The following ABLIM1 variants were observed in gnomAD, a reference collection of about 807,000 sequenced individuals.
ABLIM1 encodes actin-binding LIM protein 1.
A neutral mutation model predicts 107.0 loss-of-function variants in ABLIM1; 40 were observed. The observed-to-expected ratio is 0.37, with a 90% CI of 0.29 to 0.49. ABLIM1 has a LOEUF of 0.49. ABLIM1 is among the 20% of genes least tolerant of loss of function. The probability of loss-of-function intolerance (pLI) is 0.97; values close to 1 mark genes in which losing one functional copy is unlikely to be tolerated. For synonymous variants in ABLIM1, 357 were observed against 357.3 expected, an observed-to-expected ratio of 1.00 and a Z score of 0.01; for missense variants, 857 against 1,008.5, an observed-to-expected ratio of 0.85 and a Z score of 2.04.
At chr10:114,676,613 T>C (rs1001798984) in intron 1 of ABLIM1, among the ~76,000 whole-genome samples, 22 of 152,204 alleles carry the variant, frequency 1.4e-4, no homozygotes, top group African/African-American at 5.1e-4. Flanking sequence ...CAGATTATTG[T>C]GTTCTCAAAA....
At chr10:114,732,332 A>G (rs1390438561) in intron 1 of ABLIM1, among the ~76,000 whole-genome samples, 1 of 151,818 alleles carries the variant, frequency 6.6e-6, no homozygotes, top group Non-Finnish European at 1.5e-5. Context: ...GATGTCGAAC[A>G]TCTTTTCATG....
rs1313511038 is a variant in ABLIM1, at chr10:114,607,058, C to T, written c.245-5097G>A. 2.0e-5 allele frequency among the ~76,000 whole-genome samples: 3 copies of T among 152,170 alleles called. No individual in the cohort carries two copies. In the East Asian group the frequency reaches 5.8e-4, roughly 29 times the overall value. Reference sequence around the variant, plus strand: ...CTCAGATTACTGAAAATTCCCTACGCCCTTGCACCCTTTTTTATTTTTCGA... The same window carrying T: ...CTCAGATTACTGAAAATTCCCTACGTCCTTGCACCCTTTTTTATTTTTCGA... On this transcript the variant is annotated intron_variant, in intron 1 of 22. Transcript: ENST00000533213.
At chr10:114,620,907 T>C (rs2077425735) in intron 1 of ABLIM1, among the ~76,000 whole-genome samples, 1 of 152,126 alleles carries the variant, frequency 6.6e-6, no homozygotes, top group Non-Finnish European at 1.5e-5. Context: ...CTCTGTAGTT[T>C]GCCCCAGGCT....
rs555564621 is a variant in ABLIM1 at position 114,490,830 on chromosome 10, G to C, written c.982+961C>G. 8.8e-5 allele frequency among the ~76,000 whole-genome samples: 13 copies of C among 147,404 alleles called. No individual in the cohort carries two copies. The East Asian group carries it at 2.6e-3, about 30-fold the overall frequency. On this transcript the variant is annotated intron_variant, in intron 7 of 22. Transcript: ENST00000533213. ...TATGCTTATTTTTTTTGTCTTTTTT[G>C]TTTTTTTTCTTCCTTTTTGTGGAGA... is the stretch of plus-strand genomic sequence containing the variant.
chr10:114,547,322 GA>G (rs1326068830), intron 5 of ABLIM1, among the ~76,000 whole-genome samples: 1 of 152,156 alleles, frequency 6.6e-6, no homozygotes, highest in Non-Finnish European at 1.5e-5. Flanking sequence ...CCTGGAAGGA[GA>G]ACAAAGGCTT....
chr10:114,463,308 G>C, intron 12 of ABLIM1: 261 of 816,330 alleles, frequency 3.2e-4, no homozygotes, highest in Middle Eastern at 5.4e-4. Context: ...GGAGGAAGGA[G>C]AAAGGGTTAA....
chr10:114,678,559 G>T (rs987632708), intron 1 of ABLIM1, among the ~76,000 whole-genome samples: 1 of 152,162 alleles, frequency 6.6e-6, no homozygotes, highest in African/African-American at 2.4e-5. Flanking sequence ...ATTTATTTAT[G>T]TATTGTCTAC....
chr10:114,705,210 A>G (rs1442841532), intron 1 of ABLIM1, among the ~76,000 whole-genome samples: 1 of 152,208 alleles, frequency 6.6e-6, no homozygotes, highest in African/African-American at 2.4e-5. Flanking sequence ...GTCATTTTTA[A>G]ATGCTAAAAC....
intron 4 of ABLIM1, among the ~76,000 whole-genome samples, chr10:114,568,053 G>A (rs1213002513): frequency 1.3e-5 from 2 of 151,484 alleles, no homozygotes; most frequent in South Asian, 4.2e-4. Context: ...AGCCGGGCGC[G>A]GTGGCAGGCG....
chr10:114,782,147 A>G, the ABLIM1 span, among the ~76,000 whole-genome samples: 1 of 152,154 alleles, frequency 6.6e-6, no homozygotes, highest in Non-Finnish European at 1.5e-5. Context: ...TAGGAACTAC[A>G]GAATGCTATA....
chr10:114,579,615 C>G (rs2073104733), intron 2 of ABLIM1, among the ~76,000 whole-genome samples: 1 of 152,160 alleles, frequency 6.6e-6, no homozygotes, highest in African/African-American at 2.4e-5. Context: ...AATTTACCAT[C>G]TTAATCATTT....
chr10:114,667,884 G>A (rs910148780), intron 1 of ABLIM1, among the ~76,000 whole-genome samples: 1 of 152,172 alleles, frequency 6.6e-6, no homozygotes, highest in Non-Finnish European at 1.5e-5. Flanking sequence ...CTTCTCTCCA[G>A]TGTGTTAGAA....
intron 6 of ABLIM1, among the ~76,000 whole-genome samples, chr10:114,493,117 G>A (rs963947784): frequency 6.6e-6 from 1 of 152,108 alleles, no homozygotes; most frequent in Non-Finnish European, 1.5e-5. Flanking sequence ...GGAGAGTGGC[G>A]AGAGAAGGCG....
chr10:114,793,715 T>C, the ABLIM1 span, among the ~76,000 whole-genome samples: 3 of 152,162 alleles, frequency 2.0e-5, no homozygotes, highest in Admixed American at 2.0e-4. Flanking sequence ...GGGAGACTCC[T>C]CTGATGGGTA....
chr10:114,547,581 C>G (rs41284354), intron 5 of ABLIM1, 69 bp downstream of exon 5: 77,194 of 1,595,508 alleles, frequency 0.048, 2,220 homozygotes, highest in Middle Eastern at 0.084. Context: ...CCCCTGAGAC[C>G]AGGACCTGCA....
intron 1 of ABLIM1, among the ~76,000 whole-genome samples, chr10:114,739,720 T>G (rs1566291370): frequency 6.6e-6 from 1 of 152,160 alleles, no homozygotes; most frequent in Non-Finnish European, 1.5e-5. Context: ...AAACACATCT[T>G]TCTGCCATCA....
the ABLIM1 span, among the ~76,000 whole-genome samples, chr10:114,773,470 T>G: frequency 2.6e-5 from 4 of 152,090 alleles, no homozygotes; most frequent in Non-Finnish European, 4.4e-5. Context: ...GTCTGTAATC[T>G]CAGCACTTTG....
At chr10:114,768,234 G>A (rs1487800929), upstream of ABLIM1, among the ~76,000 whole-genome samples, 23 of 148,394 alleles carry the variant, frequency 1.5e-4, no homozygotes, top group Admixed American at 1.5e-3. Context: ...GCGCAGCAAG[G>A]CCGACGGGCG....
the ABLIM1 span, among the ~76,000 whole-genome samples, chr10:114,777,788 A>G: frequency 6.6e-6 from 1 of 152,240 alleles, no homozygotes; most frequent in Non-Finnish European, 1.5e-5. Flanking sequence ...AAAAATCCCC[A>G]GGGAGGAAAA....
Sources: gnomAD v4.1 joint callset for allele counts (sites outside exome capture counted in the v4.1 genomes callset) on GRCh38, gnomAD v4.1.1 for gene constraint, MANE v1.5 for transcripts, NCBI Gene and HGNC (gene_info 2026-07-23, HGNC 2026-07-21) for gene names.